Variants in MTUS2 observed in about 807,000 individuals in gnomAD.
The protein encoded by MTUS2 is microtubule associated scaffold protein 2.
In MTUS2, 40 loss-of-function variants were observed where a neutral mutation model predicts 114.1. That is an observed-to-expected ratio of 0.35 (90% confidence interval 0.27 to 0.46). The LOEUF is 0.46. MTUS2 is among the 20% of genes least tolerant of loss of function. MTUS2 has a pLI of 1.00. For missense variants in MTUS2, 1,679 were observed against 1,705.4 expected (o/e 0.98, Z 0.27); for synonymous variants, 688 against 672.0 (o/e 1.02, Z -0.37).
chr13:28,854,381 C>T (rs990197376), intron 2 of MTUS2, among the ~76,000 whole-genome samples: 2 of 152,140 alleles, frequency 1.3e-5, no homozygotes, highest in Admixed American at 6.5e-5. Flanking sequence ...GCTTAATGAC[C>T]TGCTGAGATT....
chr13:28,938,135 G>A (rs12584675), intron 2 of MTUS2, among the ~76,000 whole-genome samples: 35,044 of 152,084 alleles, frequency 0.23, 4,590 homozygotes, highest in African/African-American at 0.35. Flanking sequence ...CTGCAATCCC[G>A]GCACTTTGGG....
chr13:29,450,717 CAAAT>C (rs1454984936), intron 9 of MTUS2, among the ~76,000 whole-genome samples: 1 of 151,878 alleles, frequency 6.6e-6, no homozygotes, highest in Non-Finnish European at 1.5e-5. Flanking sequence ...TATAAAGACA[CAAAT>C]AAGTTAACAG....
intron 9 of MTUS2, among the ~76,000 whole-genome samples, chr13:29,447,047 T>G (rs1168926658): frequency 6.6e-6 from 1 of 152,154 alleles, no homozygotes; most frequent in Admixed American, 6.5e-5. Flanking sequence ...AAATGCTGAT[T>G]GGATACTTTC....
intron 4 of MTUS2, among the ~76,000 whole-genome samples, chr13:29,066,057 T>C (rs1311025854): frequency 6.6e-6 from 1 of 152,192 alleles, no homozygotes; most frequent in East Asian, 1.9e-4. Context: ...CCACCCTCTT[T>C]CTGTCCTAAG....
Position 29,315,648 on chromosome 13 carries a change from G to C in MTUS2, c.2807-8965G>C, listed in dbSNP as rs191737642. Among the ~76,000 whole-genome samples, 8 of 152,252 alleles carry C rather than the reference G, an allele frequency of 5.3e-5. No homozygotes were observed. In the East Asian group the frequency reaches 1.5e-3, roughly 29 times the overall value. On this transcript the variant is annotated intron_variant, in intron 6 of 15. Coordinates refer to ENST00000612955, the MANE Select transcript of MTUS2 (RefSeq NM_001033602.4). The stretch of plus-strand genomic sequence containing the variant: ...GACAACTGGATTGAGCTAGGGTTGG[G>C]TTCTGCAGACAGTTCTGACCATGGT...
chr13:28,900,610 A>G lies in MTUS2; in HGVS notation c.-243+60760A>G, dbSNP rs1169409209. 7.9e-5 allele frequency among the ~76,000 whole-genome samples: 12 copies of G among 152,338 alleles called. No individual in the cohort carries two copies. The East Asian group carries it at 2.1e-3, about 27-fold the overall frequency. On this transcript the variant is annotated intron_variant, in intron 2 of 15. Coordinates refer to ENST00000612955, the MANE Select transcript of MTUS2 (RefSeq NM_001033602.4). Reference sequence around the variant, plus strand: ...GAACATTATTCCAAGTTGTTGTATCAATAGTTTGTTCCCTTTGACTGCTGA... The same window carrying G: ...GAACATTATTCCAAGTTGTTGTATCGATAGTTTGTTCCCTTTGACTGCTGA...
intron 6 of MTUS2, among the ~76,000 whole-genome samples, chr13:29,310,783 T>C (rs1176614054): frequency 6.6e-6 from 1 of 152,144 alleles, no homozygotes; most frequent in Non-Finnish European, 1.5e-5. Context: ...ACAGTGCTGG[T>C]GGGAAAGGAG....
intron 5 of MTUS2, among the ~76,000 whole-genome samples, chr13:29,117,187 C>G (rs531881996): frequency 2.6e-5 from 4 of 152,266 alleles, no homozygotes; most frequent in Non-Finnish European, 5.9e-5. Context: ...CAATCCTTTC[C>G]TTTCTTGATA....
chr13:28,970,325 T>C (rs527942921), intron 2 of MTUS2, among the ~76,000 whole-genome samples: 17 of 152,324 alleles, frequency 1.1e-4, no homozygotes, highest in African/African-American at 3.4e-4. Flanking sequence ...TCAGACACCA[T>C]TGGAACTTGT....
chr13:29,185,004 AAAAG>A (rs1197415854), intron 5 of MTUS2, among the ~76,000 whole-genome samples: 1 of 152,126 alleles, frequency 6.6e-6, no homozygotes, highest in Admixed American at 6.6e-5. Flanking sequence ...TCAAGTAACT[AAAAG>A]AAACCCTATA....
At chr13:29,319,596 C>T (rs545005648) in intron 6 of MTUS2, among the ~76,000 whole-genome samples, 3 of 152,146 alleles carry the variant, frequency 2.0e-5, no homozygotes, top group Non-Finnish European at 4.4e-5. Flanking sequence ...AACACCAGAG[C>T]GGTGCAGAGC....
At chr13:29,458,171 C>T (rs1879251613) in intron 9 of MTUS2, among the ~76,000 whole-genome samples, 1 of 152,196 alleles carries the variant, frequency 6.6e-6, no homozygotes, top group African/African-American at 2.4e-5. Context: ...TTCACCCCAG[C>T]CCTTGGGCTG....
intron 5 of MTUS2, among the ~76,000 whole-genome samples, chr13:29,178,321 A>C (rs1024744838): frequency 6.6e-6 from 1 of 152,092 alleles, no homozygotes; most frequent in African/African-American, 2.4e-5. Flanking sequence ...CAAACGACCC[A>C]TTGCTTTTTT....
intron 6 of MTUS2, among the ~76,000 whole-genome samples, chr13:29,313,523 T>C (rs1279485176): frequency 2.0e-5 from 3 of 152,096 alleles, no homozygotes; most frequent in African/African-American, 7.2e-5. Flanking sequence ...TTGGAGATTA[T>C]ATAGAGAGAT....
chr13:29,095,227 C>T (rs777111975), intron 4 of MTUS2, among the ~76,000 whole-genome samples: 56 of 152,074 alleles, frequency 3.7e-4, no homozygotes, highest in Non-Finnish European at 6.6e-4. Flanking sequence ...CCTCATTGTT[C>T]TATTATTGAA....
At chr13:28,852,983 T>A (rs376544231) in intron 2 of MTUS2, among the ~76,000 whole-genome samples, 1 of 123,880 alleles carries the variant, frequency 8.1e-6, no homozygotes, top group African/African-American at 2.9e-5. Context: ...ATTCATTCAT[T>A]CATTCATTCC....
chr13:28,905,931 A>C (rs1216139781), intron 2 of MTUS2, among the ~76,000 whole-genome samples: 1 of 151,452 alleles, frequency 6.6e-6, no homozygotes, highest in Non-Finnish European at 1.5e-5. Context: ...ACAATTTCAG[A>C]GCCTGTTATT....
intron 5 of MTUS2, among the ~76,000 whole-genome samples, chr13:29,257,924 C>T (rs1158250825): frequency 1.3e-5 from 2 of 152,222 alleles, no homozygotes; most frequent in African/African-American, 2.4e-5. Flanking sequence ...CCACTGGGCA[C>T]TGCAGGTTGA....
intron 4 of MTUS2, among the ~76,000 whole-genome samples, chr13:29,096,105 C>G (rs770801749): frequency 1.3e-5 from 2 of 152,076 alleles, no homozygotes; most frequent in Non-Finnish European, 2.9e-5. Flanking sequence ...CTAATTATCT[C>G]TCTTCCTCTC....
Sources: gnomAD v4.1 joint callset for allele counts (sites outside exome capture counted in the v4.1 genomes callset) on GRCh38, gnomAD v4.1.1 for gene constraint, MANE v1.5 for transcripts, NCBI Gene and HGNC (gene_info 2026-07-23, HGNC 2026-07-21) for gene names.